The following APLF variants were observed in gnomAD, a reference collection of about 807,000 sequenced individuals.
APLF encodes aprataxin and PNK-like factor.
In APLF, 61 loss-of-function variants were observed where a neutral mutation model predicts 55.6. The observed-to-expected ratio is 1.10, with a 90% confidence interval of 0.89 to 1.36. The LOEUF is 1.36. APLF is among the 40% of genes most tolerant of loss of function. The pLI, the probability that APLF is intolerant of heterozygous loss-of-function variation, is 0.00. For synonymous variants in APLF, 207 were observed against 214.8 expected (o/e 0.96, Z 0.32); for missense variants, 611 against 602.5 (o/e 1.01, Z -0.15).
intron 5 of APLF, among the ~76,000 whole-genome samples, chr2:68,520,500 G>A (rs375994198): frequency 2.0e-5 from 3 of 151,790 alleles, no homozygotes; most frequent in Admixed American, 6.6e-5. Context: ...TATAAGGTGA[G>A]AGATGAGGAT....
intron 2 of APLF, among the ~76,000 whole-genome samples, chr2:68,496,051 T>C (rs1676537129): frequency 6.6e-6 from 1 of 152,214 alleles, no homozygotes; most frequent in Admixed American, 6.5e-5. Context: ...CTGAAATGCA[T>C]TTGAGGCCTT....
At chr2:68,573,715 C>T (rs1350616785) in intron 9 of APLF, among the ~76,000 whole-genome samples, 1 of 150,386 alleles carries the variant, frequency 6.6e-6, no homozygotes, top group Non-Finnish European at 1.5e-5. Flanking sequence ...GGTTAAGTGA[C>T]TTGTTCATTG....
At chr2:68,518,021 TAA>T (rs1232972417) in intron 5 of APLF, among the ~76,000 whole-genome samples, 10 of 138,504 alleles carry the variant, frequency 7.2e-5, no homozygotes, top group Non-Finnish European at 1.4e-4. Context: ...AATATATCAC[TAA>T]TATATAATAA....
intron 2 of APLF, among the ~76,000 whole-genome samples, chr2:68,496,911 T>C (rs1676566368): frequency 6.6e-6 from 1 of 152,200 alleles, no homozygotes; most frequent in African/African-American, 2.4e-5. Context: ...CCAAACTTTC[T>C]CTCATCTTCC....
At chr2:68,519,324 A>G (rs573735555) in intron 5 of APLF, among the ~76,000 whole-genome samples, 12 of 145,864 alleles carry the variant, frequency 8.2e-5, no homozygotes, top group African/African-American at 2.7e-4. Flanking sequence ...TTGTATTTTC[A>G]AAGTGAAGTG....
intron 1 of APLF, among the ~76,000 whole-genome samples, chr2:68,470,831 G>A (rs1159966652): frequency 6.6e-6 from 1 of 152,140 alleles, no homozygotes; most frequent in African/African-American, 2.4e-5. Flanking sequence ...CCTCAGTTGG[G>A]GGAACAGGGA....
intron 5 of APLF, among the ~76,000 whole-genome samples, chr2:68,518,989 ATC>A (rs1160354917): frequency 8.1e-6 from 1 of 123,544 alleles, no homozygotes; most frequent in Non-Finnish European, 1.6e-5. Context: ...AATATACAAT[ATC>A]TGATAATATA....
At chr2:68,497,813 C>A (rs10166882) in intron 2 of APLF, among the ~76,000 whole-genome samples, 13,314 of 152,106 alleles carry the variant, frequency 0.088, 665 homozygotes, top group African/African-American at 0.12. Context: ...TGACAAATAT[C>A]CAAGCTATAT....
chr2:68,493,327 GA>G (rs71395973), intron 2 of APLF, among the ~76,000 whole-genome samples: 2 of 150,572 alleles, frequency 1.3e-5, no homozygotes, highest in African/African-American at 2.4e-5. Context: ...TATCTGTTTG[GA>G]AAAAAAAATT....
At chr2:68,480,183 T>A (rs191903942) in intron 1 of APLF, among the ~76,000 whole-genome samples, 1 of 152,184 alleles carries the variant, frequency 6.6e-6, no homozygotes, top group African/African-American at 2.4e-5. Context: ...TGAATTTGTT[T>A]ATCAGTTTTA....
chr2:68,480,026 A>G (rs1254075586), intron 1 of APLF, among the ~76,000 whole-genome samples: 1 of 152,222 alleles, frequency 6.6e-6, no homozygotes, highest in African/African-American at 2.4e-5. Context: ...ACTGTAAAAT[A>G]CATATAACAT....
chr2:68,477,965 T>G (rs1454900955), intron 1 of APLF, among the ~76,000 whole-genome samples: 4 of 151,930 alleles, frequency 2.6e-5, no homozygotes, highest in Admixed American at 6.6e-5. Context: ...AAGGTGAGAT[T>G]TGGGTGGGGA....
At chr2:68,504,259 T>C (rs535233081) in intron 3 of APLF, among the ~76,000 whole-genome samples, 43 of 152,050 alleles carry the variant, frequency 2.8e-4, no homozygotes, top group African/African-American at 8.9e-4. Flanking sequence ...AATATTATTC[T>C]TTTTTCTCAA....
intron 1 of APLF, among the ~76,000 whole-genome samples, chr2:68,486,066 A>T (rs1676163933): frequency 6.6e-6 from 1 of 151,940 alleles, no homozygotes; most frequent in Non-Finnish European, 1.5e-5. Flanking sequence ...CACTATTTTG[A>T]TGCTCGAATT....
At chr2:68,503,226 T>C (rs563253827) in intron 3 of APLF, among the ~76,000 whole-genome samples, 1 of 152,290 alleles carries the variant, frequency 6.6e-6, no homozygotes, top group African/African-American at 2.4e-5. Flanking sequence ...TAATTCGAAA[T>C]TGACTACCTT....
chr2:68,569,248 C>G (rs1240206275), intron 9 of APLF, among the ~76,000 whole-genome samples: 1 of 152,026 alleles, frequency 6.6e-6, no homozygotes, highest in Non-Finnish European at 1.5e-5. Context: ...TCCCAACTTG[C>G]CGTGAGATGC....
chr2:68,518,895 CATTA>C (rs1177451969), intron 5 of APLF, among the ~76,000 whole-genome samples: 2 of 121,760 alleles, frequency 1.6e-5, no homozygotes, highest in Admixed American at 1.8e-4. Context: ...AATATTATAT[CATTA>C]ATATATAATA....
chr2:68,472,809 G>C (rs77190420), intron 1 of APLF, among the ~76,000 whole-genome samples: 1 of 152,128 alleles, frequency 6.6e-6, no homozygotes, highest in Non-Finnish European at 1.5e-5. Flanking sequence ...CAATGATCCC[G>C]TTTAACTTTT....
chr2:68,575,904 T>A (rs1671607870), intron 9 of APLF, among the ~76,000 whole-genome samples: 1 of 152,074 alleles, frequency 6.6e-6, no homozygotes, highest in Admixed American at 6.6e-5. Flanking sequence ...GGGCTTAAGA[T>A]GTGAATTTGG....
Sources: allele counts gnomAD v4.1 joint callset (sites outside exome capture counted in the v4.1 genomes callset), GRCh38; gene constraint gnomAD v4.1.1; transcripts MANE v1.5; gene names NCBI Gene and HGNC (gene_info 2026-07-23, HGNC 2026-07-21).